The following NRXN2 variants were observed in gnomAD, a reference collection of about 807,000 sequenced individuals.
NRXN2 encodes the protein neurexin-2-beta.
A neutral mutation model predicts 128.8 loss-of-function variants in NRXN2; 29 were observed. That is an observed-to-expected ratio of 0.23 (90% CI 0.17 to 0.31). The LOEUF (loss-of-function observed/expected upper bound fraction) is 0.31, where lower values mean the gene tolerates loss of function less well. Ranked by LOEUF, NRXN2 falls within the 10% of genes least tolerant of loss-of-function variation. The pLI, the probability that NRXN2 is intolerant of heterozygous loss-of-function variation, is 1.00. For synonymous variants in NRXN2, 1,098 were observed against 1,075.2 expected (o/e 1.02, Z -0.41); for missense variants, 1,881 against 2,452.6 (o/e 0.77, Z 4.92).
At chr11:64,671,717 G>T (rs567128499) in intron 7 of NRXN2, among the ~76,000 whole-genome samples, 3 of 152,104 alleles carry the variant, frequency 2.0e-5, no homozygotes, top group Non-Finnish European at 4.4e-5. Flanking sequence ...CAGAGCTGTG[G>T]GGTGCAGGTA....
intron 9 of NRXN2, among the ~76,000 whole-genome samples, chr11:64,665,431 T>C (rs569532722): frequency 1.6e-3 from 244 of 152,184 alleles, no homozygotes; most frequent in African/African-American, 5.8e-3. Context: ...CACAGAGAAG[T>C]GGAAGCCCTG....
chr11:64,665,560 C>T (rs1225846947), intron 9 of NRXN2, among the ~76,000 whole-genome samples: 1 of 152,158 alleles, frequency 6.6e-6, no homozygotes, highest in Non-Finnish European at 1.5e-5. Flanking sequence ...AGACACACCC[C>T]GGGGATGAAA....
At chr11:64,701,251 C>A (rs1431226988) in intron 2 of NRXN2, among the ~76,000 whole-genome samples, 1 of 152,220 alleles carries the variant, frequency 6.6e-6, no homozygotes, top group African/African-American at 2.4e-5. Flanking sequence ...AGGTTAAAGT[C>A]GAATCTTCTC....
intron 2 of NRXN2, 53 bp from the exon 3 acceptor site, chr11:64,697,845 G>A (rs2054782995): frequency 1.9e-6 from 3 of 1,609,158 alleles, no homozygotes; most frequent in Non-Finnish European, 2.6e-6. Context: ...AGAAAAAGGA[G>A]GGCTGTTAGC....
chr11:64,653,760 A>G, intron 11 of NRXN2, 38 bp from the exon 12 acceptor site: 1 of 1,488,118 alleles, frequency 6.7e-7, no homozygotes, highest in Non-Finnish European at 9.1e-7. Context: ...GGAAGGGGAG[A>G]CAAAAAGGTA....
intron 4 of NRXN2, among the ~76,000 whole-genome samples, chr11:64,691,577 T>C (rs1003953767): frequency 6.6e-6 from 1 of 152,194 alleles, no homozygotes; most frequent in Non-Finnish European, 1.5e-5. Flanking sequence ...ACTTGAGCTG[T>C]GGAACTTTCC....
intron 5 of NRXN2, among the ~76,000 whole-genome samples, chr11:64,686,420 C>T (rs577763091): frequency 2.6e-5 from 4 of 152,316 alleles, no homozygotes; most frequent in East Asian, 3.9e-4. Flanking sequence ...CCTCCTCCAG[C>T]GATGGCCAAT....
At chr11:64,663,042 T>C (rs1048421551) in intron 9 of NRXN2, among the ~76,000 whole-genome samples, 3 of 151,844 alleles carry the variant, frequency 2.0e-5, no homozygotes, top group African/African-American at 4.8e-5. Context: ...TACAGACACA[T>C]CCCCTCATTC....
intron 17 of NRXN2, among the ~76,000 whole-genome samples, chr11:64,645,293 A>G (rs976234385): frequency 1.3e-5 from 2 of 152,014 alleles, no homozygotes; most frequent in African/African-American, 4.8e-5. Flanking sequence ...GCCAATCAAT[A>G]CCAGTGAGTG....
intron 1 of NRXN2, among the ~76,000 whole-genome samples, chr11:64,716,954 C>T (rs886825788): frequency 2.0e-5 from 3 of 152,074 alleles, no homozygotes; most frequent in African/African-American, 7.2e-5. Flanking sequence ...GCCTCTCCCA[C>T]CCAGGCCAAG....
intron 7 of NRXN2, among the ~76,000 whole-genome samples, chr11:64,670,170 C>A (rs879578718): frequency 6.6e-6 from 1 of 152,094 alleles, no homozygotes; most frequent in Non-Finnish European, 1.5e-5. Context: ...TCTCCACCTC[C>A]TGGGAACCAT....
intron 1 of NRXN2, among the ~76,000 whole-genome samples, chr11:64,721,596 G>C (rs2057433635): frequency 6.6e-6 from 1 of 152,056 alleles, no homozygotes; most frequent in African/African-American, 2.4e-5. Context: ...AAAACAGAAG[G>C]CCTCACAGTT....
chr11:64,630,930 T>C lies in NRXN2; in HGVS notation c.3586-357A>G, dbSNP rs1322887982. Among the ~76,000 whole-genome samples, 1 of 152,158 alleles carries C rather than the reference T, an allele frequency of 6.6e-6. No individual in the cohort carries two copies. The highest frequency in any genetic ancestry group is 1.9e-4 in the East Asian group (1 of 5,182). ...CCAAGCTGGGGACCAGCTCGGGGCATGGAGGGCAGAGGCCTCTCTAAGGCA... is the reference window on the plus strand; with the variant it reads ...CCAAGCTGGGGACCAGCTCGGGGCACGGAGGGCAGAGGCCTCTCTAAGGCA... On this transcript the variant is annotated intron_variant, in intron 18 of 22. Coordinates refer to ENST00000265459, the MANE Select transcript of NRXN2 (RefSeq NM_015080.4). This position sits in a 1 kb window ranked among gnomAD's most constrained non-coding sequence, Gnocchi z 4.6.
rs140202591 is a variant in NRXN2, at chr11:64,673,045, T to C, written c.1197+3948A>G. 6.2e-3 allele frequency among the ~76,000 whole-genome samples: 948 copies of C among 152,314 alleles called. 7 individuals are homozygous for C. The highest frequency in any genetic ancestry group is 0.022 in the African/African-American group (900 of 41,562). Reference sequence around the variant, plus strand: ...GCTCCCATTTCTTCCAGGCTTACTCTGAGCACCAAATGAGAAAACTGAAGT... The same window carrying C: ...GCTCCCATTTCTTCCAGGCTTACTCCGAGCACCAAATGAGAAAACTGAAGT... On this transcript the variant is annotated intron_variant, in intron 7 of 22. Transcript: ENST00000265459.
Position 64,652,158 on chromosome 11 carries a change from C to T in NRXN2, c.2417-4G>A, listed in dbSNP as rs369283380. The T allele has an allele frequency of 7.4e-6, 12 of 1,611,012 alleles. No individual in the cohort carries two copies. The highest frequency in any genetic ancestry group is 2.7e-5 in the African/African-American group (2 of 74,982). ...AACAGCGTTTCGGGGCCTTTACCTG[C>T]GGCACCAAGGGGGGAATGAGGAGGG... On this transcript the variant is annotated splice_region_variant and splice_polypyrimidine_tract_variant and intron_variant, in intron 12 of 22. Transcript: ENST00000265459.
chr11:64,635,195 C>T lies in NRXN2; in HGVS notation c.3585+76G>A. The stretch of plus-strand genomic sequence containing the variant: ...ATGAGGGAAGACTTGAGGTGCTGAT[C>T]CCATGGCAATGAGGGGCTGAACTGA... On this transcript the variant is annotated intron_variant, in intron 18 of 22. Transcript: ENST00000265459. The surrounding 1 kb of genome is among the most constrained non-coding windows in gnomAD (Gnocchi z 4.8). 2 of 1,532,902 alleles carry T rather than the reference C, an allele frequency of 1.3e-6. No homozygotes were observed. The highest frequency in any genetic ancestry group is 1.8e-6 in the Non-Finnish European group (2 of 1,109,392). 95.0% of individuals were successfully genotyped at this position (1,532,902 alleles called of 1,614,324 possible).
chr11:64,661,597 C>A (rs1437821262), intron 9 of NRXN2, among the ~76,000 whole-genome samples: 11 of 152,188 alleles, frequency 7.2e-5, no homozygotes, highest in African/African-American at 2.7e-4. Context: ...TTTCCCCCCA[C>A]AAACATTTAT....
chr11:64,648,959 A>G lies in NRXN2; in HGVS notation c.3110-52T>C, dbSNP rs777873571. 5 of 1,589,974 alleles carry G rather than the reference A, an allele frequency of 3.1e-6. No homozygotes were observed. The South Asian group carries it at 3.3e-5, about 11-fold the overall frequency. On this transcript the variant is annotated intron_variant, in intron 15 of 22. Coordinates refer to ENST00000265459, the MANE Select transcript of NRXN2 (RefSeq NM_015080.4). The surrounding 1 kb of genome is among the most constrained non-coding windows in gnomAD (Gnocchi z 4.1). Reference sequence around the variant, plus strand: ...CATCCAGGTCCCCATTCCCATCCCAAGACAATGGCATCTGGCTGTCAGGTC... The same window carrying G: ...CATCCAGGTCCCCATTCCCATCCCAGGACAATGGCATCTGGCTGTCAGGTC...
At chr11:64,621,005 C>T (rs1423410286) in intron 21 of NRXN2, among the ~76,000 whole-genome samples, 1 of 151,764 alleles carries the variant, frequency 6.6e-6, no homozygotes, top group Non-Finnish European at 1.5e-5. Flanking sequence ...CGCTCAGGGG[C>T]ATGAAGGAGG....
Sources: gnomAD v4.1 joint callset for allele counts (sites outside exome capture counted in the v4.1 genomes callset) on GRCh38, gnomAD v4.1.1 for gene constraint, Gnocchi (gnomAD v3.1) non-coding constraint, MANE v1.5 for transcripts, NCBI Gene and HGNC (gene_info 2026-07-23, HGNC 2026-07-21) for gene names.